FMR1: variants seen among roughly 807,000 people sequenced by gnomAD.
FMR1 encodes the protein fragile X messenger ribonucleoprotein 1.
A neutral mutation model predicts 50.6 loss-of-function variants in FMR1; 13 were observed. The ratio of observed to expected loss-of-function variants is 0.26; its 90% CI spans 0.17 to 0.41. The LOEUF (loss-of-function observed/expected upper bound fraction) is 0.41. Ranked by LOEUF, FMR1 falls within the 10% of genes least tolerant of loss-of-function variation. The pLI is 1.00. For missense variants in FMR1, 316 were observed against 491.3 expected, an observed-to-expected ratio of 0.64 and a Z score of 3.37; for synonymous variants, 138 against 164.1, an observed-to-expected ratio of 0.84 and a Z score of 1.22.
At position 147,950,004 on chromosome X, in the gene FMR1, C is replaced by G. The variant is rs1557183204; in HGVS notation, c.*1160C>G. On this transcript the variant is annotated 3_prime_UTR_variant, in exon 17 of 17. Coordinates refer to ENST00000370475, the MANE Select transcript of FMR1 (RefSeq NM_002024.6). ...AAGCAGAATTGGAAAAGACTAAGATCGGTTAACAAATAACAACTTTTTTTT... is the reference window on the plus strand; with the variant it reads ...AAGCAGAATTGGAAAAGACTAAGATGGGTTAACAAATAACAACTTTTTTTT... The G allele has an allele frequency of 1.3e-5, 4 of 316,142 alleles. No homozygotes were observed. The Admixed American group carries it at 1.4e-4, about 11-fold the overall frequency. The allele number at this position is 316,142 out of a possible 1,213,427, so 26.1% of individuals were successfully genotyped here. A position where few individuals can be genotyped will look rare whatever the true frequency, so the allele number is the denominator to read the frequency against.
At chrX:147,928,141 TTATG>T in intron 3 of FMR1, 177 bp from the exon 4 acceptor site, 1 of 415,097 alleles carries the variant, frequency 2.4e-6, no homozygotes, top group Non-Finnish European at 4.2e-6. Context: ...TAGTTTCTGA[TTATG>T]TATCTCTGCC....
In FMR1 at chrX:147,937,503, C is replaced by T. The variant is rs781895870; in HGVS notation, c.1028C>T (p.Ser343Leu). The T allele has an allele frequency of 8.3e-7, 1 of 1,206,183 alleles. No homozygotes were observed. Among genetic ancestry groups the T allele is most frequent in the Non-Finnish European group, 1.1e-6 (1 of 891,207 alleles). The stretch of plus-strand genomic sequence containing the variant: ...CCAAATTCCCTTCCTTCCAATAATT[C>T]AAGGGTTGGACCTAATGCCCCAGAA... ...MPPNSLPSNN[S>L]RVGPNAPEEK... Residue 343 changes from serine to leucine, a missense_variant, in exon 11 of 17, where the codon TCA becomes TTA. Physicochemically the swap from Ser to Leu is moderately radical, Grantham distance 145 (BLOSUM62 -2). Around this residue, in one of 4 missense-constraint regions of FMR1, gnomAD observed 53 missense variants for 51.5 expected, o/e 1.03. Coordinates refer to ENST00000370475, the MANE Select transcript of FMR1 (RefSeq NM_002024.6).
intron 9 of FMR1, among the ~76,000 whole-genome samples, chrX:147,934,333 A>G (rs193074070): frequency 1.1e-4 from 12 of 110,681 alleles, no homozygotes; most frequent in African/African-American, 3.3e-4. Context: ...TTTCAGTCCT[A>G]CTTTATTCTT....
At chrX:147,939,037 T>TA (rs1156346561) in intron 12 of FMR1, among the ~76,000 whole-genome samples, 2 of 112,095 alleles carry the variant, frequency 1.8e-5, no homozygotes, top group Admixed American at 1.9e-4. Flanking sequence ...CTAAATCTGT[T>TA]ACATAGGATT....
chrX:147,931,257 A>T (rs1295214767), intron 7 of FMR1, among the ~76,000 whole-genome samples: 2 of 111,776 alleles, frequency 1.8e-5, no homozygotes, highest in Non-Finnish European at 3.8e-5. Flanking sequence ...CCTCTTAAAC[A>T]TCGAATTATT....
chrX:147,928,759 A>C lies in FMR1; in HGVS notation c.371A>C (p.Asp124Ala), dbSNP rs782340568. The change falls in exon 5 of 17, where the codon GAT becomes GCT. Residue 124 changes from aspartate (D) to alanine (A), a missense_variant. Transcript: ENST00000370475. The stretch of plus-strand genomic sequence containing the variant: ...AATCCCAACAAACCTGCCACAAAAG[A>C]TACTTTCCATAAGATCAAGCTGGAT... ...SVNPNKPATKDTFHKIKLDVP... is the reference protein window; with the variant it reads ...SVNPNKPATKATFHKIKLDVP... The C allele has an allele frequency of 1.7e-6, 2 of 1,211,021 alleles. No homozygotes were observed. Among genetic ancestry groups the C allele is most frequent in the South Asian group, 3.5e-5 (2 of 56,951 alleles).
chrX:147,938,326 G>A (rs993151928), intron 12 of FMR1, among the ~76,000 whole-genome samples, 165 bp downstream of exon 12: 2 of 111,929 alleles, frequency 1.8e-5, no homozygotes, highest in African/African-American at 6.5e-5. Flanking sequence ...ACACCTTCAT[G>A]CCGCTTGTAA....
intron 13 of FMR1, 49 bp from the exon 14 acceptor site, chrX:147,943,081 TA>T: frequency 9.7e-7 from 1 of 1,032,531 alleles, no homozygotes; most frequent in Non-Finnish European, 1.4e-6. Flanking sequence ...AAGGTTTTAT[TA>T]AGTAAAATGT....
At chrX:147,929,830 T>C (rs1225601102) in intron 5 of FMR1, 118 bp from the exon 6 acceptor site, 5 of 511,351 alleles carry the variant, frequency 9.8e-6, no homozygotes, top group Non-Finnish European at 1.7e-5. Context: ...ATATAGCATA[T>C]TTTGCATAAA....
intron 9 of FMR1, among the ~76,000 whole-genome samples, chrX:147,935,823 T>G (rs2043771636): frequency 8.9e-6 from 1 of 112,366 alleles, no homozygotes; most frequent in Non-Finnish European, 1.9e-5. Flanking sequence ...AAGTGGGTTT[T>G]CTTAATCTTT....
intron 1 of FMR1, chrX:147,912,928 T>A (rs1490959834): frequency 7.0e-6 from 2 of 284,867 alleles, no homozygotes; most frequent in African/African-American, 5.5e-5. Flanking sequence ...TTGATCATCG[T>A]GAATATTCGC....
intron 1 of FMR1, among the ~76,000 whole-genome samples, chrX:147,915,076 T>C (rs782362446): frequency 8.9e-6 from 1 of 111,912 alleles, no homozygotes; most frequent in East Asian, 2.8e-4. Context: ...ATACAACCTC[T>C]GATTTCTGAT....
rs1298310054 is a variant in FMR1, at chrX:147,914,682, A to G, written c.51+2452A>G. Among the ~76,000 whole-genome samples, 3 of 112,111 alleles carry G rather than the reference A, an allele frequency of 2.7e-5. No homozygotes were observed. In the Admixed American group the frequency reaches 2.8e-4, roughly 11 times the overall value. On this transcript the variant is annotated intron_variant, in intron 1 of 16. Coordinates refer to ENST00000370475, the MANE Select transcript of FMR1 (RefSeq NM_002024.6). Reference sequence around the variant, plus strand: ...AGCGATCACCAGAGCCACTACTTTTATGCTTAGGTATTTGTTTGACTTAGA... The same window carrying G: ...AGCGATCACCAGAGCCACTACTTTTGTGCTTAGGTATTTGTTTGACTTAGA...
intron 16 of FMR1, 132 bp from the exon 17 acceptor site, chrX:147,948,551 T>C: frequency 8.8e-7 from 1 of 1,136,060 alleles, no homozygotes; most frequent in Non-Finnish European, 1.2e-6. Flanking sequence ...TTTCTTGCAC[T>C]TCTTCTGTTC....
intron 2 of FMR1, among the ~76,000 whole-genome samples, chrX:147,924,270 A>G (rs1208885354): frequency 1.8e-5 from 2 of 110,818 alleles, no homozygotes; most frequent in Non-Finnish European, 3.8e-5. Context: ...CCGCTTATAT[A>G]ACAGCTCTTC....
At chrX:147,934,635 G>T (rs781963400) in intron 9 of FMR1, among the ~76,000 whole-genome samples, 1 of 111,846 alleles carries the variant, frequency 8.9e-6, no homozygotes, top group East Asian at 2.8e-4. Context: ...TCTACCTGTG[G>T]TTACCTGGAA....
rs1557183217 is a variant in FMR1 at position 147,950,017 on chromosome X, A to G, written c.*1173A>G. ...AAAGACTAAGATCGGTTAACAAATA[A>G]CAACTTTTTTTTCTTTTTTTCTTTT... is the stretch of plus-strand genomic sequence containing the variant. On this transcript the variant is annotated 3_prime_UTR_variant, in exon 17 of 17. Transcript: ENST00000370475. 3.2e-6 allele frequency: 1 copy of G among 317,026 alleles called. No homozygotes were observed. The highest frequency in any genetic ancestry group is 6.0e-6 in the Non-Finnish European group (1 of 166,733). The allele number at this position is 317,026 out of a possible 1,213,427, so 26.1% of individuals were successfully genotyped here.
rs1557178907 is a variant in FMR1 at position 147,932,560 on chromosome X, G to C, written c.766G>C (p.Asp256His). ...ACCTGGGGTCACTGCTATTGATCTA[G>C]ATGAAGATACCTGCACATTTCATAT... ...KVPGVTAIDL[D>H]EDTCTFHIYG... The change falls in exon 8 of 17, where the codon GAT (aspartate) becomes CAT (histidine). Residue 256 changes from aspartate to histidine, a missense_variant. By Grantham distance (81) the Asp-to-His change is moderately conservative (BLOSUM62 -1). Around this residue, in one of 4 missense-constraint regions of FMR1, gnomAD observed 124 missense variants for 238.1 expected, o/e 0.52. Transcript: ENST00000370475. The C allele has an allele frequency of 8.3e-7, 1 of 1,210,180 alleles. No individual in the cohort carries two copies.
intron 3 of FMR1, chrX:147,928,020 A>C (rs2124502387): frequency 8.6e-6 from 2 of 232,529 alleles, no homozygotes; most frequent in East Asian, 1.6e-4. Flanking sequence ...GTACCCAAGG[A>C]AAGTGTGCTT....
Sources: allele counts gnomAD v4.1 joint callset (sites outside exome capture counted in the v4.1 genomes callset), GRCh38; gene constraint gnomAD v4.1.1; regional missense constraint gnomAD v4.1.1; transcripts MANE v1.5; gene names NCBI Gene and HGNC (gene_info 2026-07-23, HGNC 2026-07-21).